The following MICU1 variants were observed in gnomAD, a reference collection of about 807,000 sequenced individuals.
MICU1 encodes the protein calcium uptake protein 1, mitochondrial.
In MICU1, 45 loss-of-function variants were observed where a neutral mutation model predicts 56.8. The ratio of observed to expected loss-of-function variants is 0.79; its 90% confidence interval spans 0.62 to 1.02. The LOEUF is 1.02. MICU1 is among the 50% of genes least tolerant of loss of function. The pLI is 0.00. For missense variants in MICU1, 504 were observed against 587.1 expected (o/e 0.86, Z 1.46); for synonymous variants, 186 against 195.1 (o/e 0.95, Z 0.39).
chr10:72,584,747 GC>G (rs1399755153), intron 1 of MICU1, among the ~76,000 whole-genome samples: 2 of 152,028 alleles, frequency 1.3e-5, no homozygotes, highest in Non-Finnish European at 2.9e-5. Flanking sequence ...TCACTATGTT[GC>G]CCAGGGTGGT....
intron 1 of MICU1, among the ~76,000 whole-genome samples, chr10:72,620,049 AG>A (rs1273788048): frequency 6.6e-6 from 1 of 152,204 alleles, no homozygotes; most frequent in Non-Finnish European, 1.5e-5. Context: ...TTTAAAAAAA[AG>A]GAAAAAAACA....
intron 10 of MICU1, among the ~76,000 whole-genome samples, chr10:72,380,334 T>C (rs755657505): frequency 1.6e-4 from 24 of 152,152 alleles, no homozygotes; most frequent in Non-Finnish European, 3.1e-4. Context: ...TTAAGTGCGA[T>C]TGGGTGATTC....
At chr10:72,387,987 A>C (rs990420171) in intron 10 of MICU1, among the ~76,000 whole-genome samples, 14 of 152,202 alleles carry the variant, frequency 9.2e-5, no homozygotes, top group Non-Finnish European at 4.4e-5. Context: ...TAACCCTGAA[A>C]CAAGTATTCT....
chr10:72,521,944 G>A (rs968783598), intron 5 of MICU1, among the ~76,000 whole-genome samples: 1 of 151,984 alleles, frequency 6.6e-6, no homozygotes, highest in Non-Finnish European at 1.5e-5. Context: ...CTTCAAGAGT[G>A]TAATGTTCTT....
chr10:72,487,185 A>G (rs1012634089), intron 6 of MICU1, among the ~76,000 whole-genome samples: 6 of 152,182 alleles, frequency 3.9e-5, no homozygotes, highest in African/African-American at 1.4e-4. Context: ...TCAATTTGCA[A>G]GGAAAAAAAT....
At chr10:72,483,610 G>T (rs1245338868) in intron 6 of MICU1, 1 of 152,706 alleles carries the variant, frequency 6.5e-6, no homozygotes, top group African/African-American at 2.4e-5. Flanking sequence ...GAAGCATGGC[G>T]GCCATGAAAG....
chr10:72,505,167 T>C lies in MICU1; in HGVS notation c.652+2988A>G, dbSNP rs903028502. ...TTTTGTATTTTTTTTTTAGTAGAGA[T>C]GGGGTTTCACCATGTTGGCCAGGCT... On this transcript the variant is annotated intron_variant, in intron 6 of 11. Coordinates refer to ENST00000361114, the MANE Select transcript of MICU1 (RefSeq NM_001195518.2). Among the ~76,000 whole-genome samples the C allele has an allele frequency of 5.3e-5, 8 of 151,826 alleles. No homozygotes were observed. In the East Asian group the frequency reaches 1.6e-3, roughly 29 times the overall value.
intron 1 of MICU1, among the ~76,000 whole-genome samples, chr10:72,601,555 T>C (rs1841535760): frequency 6.6e-6 from 1 of 151,964 alleles, no homozygotes; most frequent in South Asian, 2.1e-4. Context: ...AAATTATCTT[T>C]TCCCCATCTA....
intron 4 of MICU1, among the ~76,000 whole-genome samples, chr10:72,549,283 C>T (rs1349056299): frequency 6.6e-6 from 1 of 151,268 alleles, no homozygotes. Flanking sequence ...ATCCACCTCC[C>T]AGGCTCAAGC....
At chr10:72,604,414 C>T (rs989529653) in intron 1 of MICU1, among the ~76,000 whole-genome samples, 3 of 151,894 alleles carry the variant, frequency 2.0e-5, no homozygotes, top group South Asian at 4.2e-4. Context: ...GCTGGGATTA[C>T]AGGTATGCAC....
chr10:72,594,925 C>CAA (rs57504317), intron 1 of MICU1, among the ~76,000 whole-genome samples: 529 of 50,776 alleles, frequency 0.01, 18 homozygotes, highest in Non-Finnish European at 0.016. Flanking sequence ...AAGTACAATC[C>CAA]AAAAAAAAAA....
chr10:72,578,644 G>C (rs1840816309), intron 1 of MICU1, among the ~76,000 whole-genome samples: 1 of 151,852 alleles, frequency 6.6e-6, no homozygotes, highest in Non-Finnish European at 1.5e-5. Context: ...GTCTCGCTTT[G>C]TCACCCAGGC....
Position 72,598,991 on chromosome 10 carries a change from C to CACCCTAATGTGTAACCTAATAA in MICU1, c.-2+27018_-2+27019insTTATTAGGTTACACATTAGGGT, listed in dbSNP as rs1841452273. Among the ~76,000 whole-genome samples the CACCCTAATGTGTAACCTAATAA allele has an allele frequency of 2.0e-5, 3 of 152,090 alleles. No homozygotes were observed. In the South Asian group the frequency reaches 6.2e-4, roughly 31 times the overall value. On this transcript the variant is annotated intron_variant, in intron 1 of 11. Coordinates refer to ENST00000361114, the MANE Select transcript of MICU1 (RefSeq NM_001195518.2). ...TCAAGACTAAAGAGAGCTATTAATA[C>CACCCTAATGTGTAACCTAATAA]ACCCTAAAATGTGAGTTTCCCGTTC...
At chr10:72,452,549 C>A (rs986633433) in intron 8 of MICU1, among the ~76,000 whole-genome samples, 8 of 152,100 alleles carry the variant, frequency 5.3e-5, no homozygotes, top group Non-Finnish European at 8.8e-5. Context: ...TGAGACTGCA[C>A]AGATGATGGT....
At chr10:72,623,106 T>C (rs1034177226) in intron 1 of MICU1, among the ~76,000 whole-genome samples, 12 of 151,608 alleles carry the variant, frequency 7.9e-5, no homozygotes, top group African/African-American at 2.9e-4. Flanking sequence ...CCATCTTTAC[T>C]AACAATACAA....
chr10:72,621,184 T>G (rs1441519022), intron 1 of MICU1, among the ~76,000 whole-genome samples: 1 of 152,198 alleles, frequency 6.6e-6, no homozygotes, highest in Non-Finnish European at 1.5e-5. Flanking sequence ...GGTAATTTAT[T>G]TTACATACCA....
At chr10:72,476,888 T>C (rs114615203) in intron 7 of MICU1, among the ~76,000 whole-genome samples, 362 of 152,340 alleles carry the variant, frequency 2.4e-3, no homozygotes, top group African/African-American at 8.6e-3. Context: ...TGAATTGCCA[T>C]AATTTAGCTT....
intron 1 of MICU1, among the ~76,000 whole-genome samples, chr10:72,601,918 G>C (rs1841548473): frequency 6.6e-6 from 1 of 151,276 alleles, no homozygotes; most frequent in African/African-American, 2.4e-5. Flanking sequence ...TTCTGCCTCA[G>C]CCTCCTGAGT....
At chr10:72,449,264 G>T (rs1865219578) in intron 8 of MICU1, among the ~76,000 whole-genome samples, 1 of 152,140 alleles carries the variant, frequency 6.6e-6, no homozygotes, top group African/African-American at 2.4e-5. Flanking sequence ...AAGGCATGGT[G>T]GCAGGTGCCT....
Sources: allele counts gnomAD v4.1 joint callset (sites outside exome capture counted in the v4.1 genomes callset), GRCh38; gene constraint gnomAD v4.1.1; transcripts MANE v1.5; gene names NCBI Gene and HGNC (gene_info 2026-07-23, HGNC 2026-07-21).